The following ARHGAP23 variants were observed in gnomAD, a reference collection of about 807,000 sequenced individuals.
ARHGAP23 encodes the protein rho GTPase-activating protein 23.
In ARHGAP23, 34 loss-of-function variants were observed where a neutral mutation model predicts 136.3. The observed-to-expected ratio is 0.25, with a 90% CI of 0.19 to 0.33. The LOEUF (loss-of-function observed/expected upper bound fraction) is 0.33. Ranked by LOEUF, ARHGAP23 falls within the 10% of genes least tolerant of loss-of-function variation. The pLI is 1.00. For synonymous variants in ARHGAP23, 832 were observed against 920.5 expected, an observed-to-expected ratio of 0.90 and a Z score of 1.74; for missense variants, 1,808 against 2,139.0, an observed-to-expected ratio of 0.85 and a Z score of 3.05.
intron 3 of ARHGAP23, among the ~76,000 whole-genome samples, chr17:38,461,219 G>C (rs2039453332): frequency 6.6e-6 from 1 of 152,234 alleles, no homozygotes; most frequent in African/African-American, 2.4e-5. Context: ...GGGCGCAGAT[G>C]GGTGTCTGCC....
chr17:38,459,378 CACAT>C (rs2144613648), intron 2 of ARHGAP23, among the ~76,000 whole-genome samples: 1 of 152,348 alleles, frequency 6.6e-6, no homozygotes, highest in Non-Finnish European at 1.5e-5. Context: ...GTGCAGCTCT[CACAT>C]GCATGCCGGA....
In ARHGAP23 at chr17:38,477,673, C is replaced by T. The variant is rs754194197; in HGVS notation, c.2213C>T (p.Pro738Leu). Residue 738 changes from proline (P) to leucine (L), a missense_variant, in exon 12 of 24, where the codon CCG becomes CTG. Physicochemically the swap from Pro to Leu is moderately conservative, Grantham distance 98. Around this residue, in one of 7 missense-constraint regions of ARHGAP23, gnomAD observed 139 missense variants for 264.3 expected, o/e 0.53. Coordinates refer to ENST00000622683, the MANE Select transcript of ARHGAP23 (RefSeq NM_001199417.2). The surrounding 1 kb of genome is among the most constrained non-coding windows in gnomAD (Gnocchi z 6.6). ...AGCAAGGAGCGGCGGGAGCCCGGGC[C>T]GGCGGCGGCGGGGGCTGCGGCGGCC... ...SLSKERREPG[P>L]AAAGAAAAGA... The T allele has an allele frequency of 3.0e-5, 39 of 1,295,330 alleles. 2 individuals are homozygous for T. The South Asian group carries it at 3.3e-4, about 11-fold the overall frequency. The allele number at this position is 1,295,330 out of a possible 1,614,324, so 80.2% of individuals were successfully genotyped here.
At chr17:38,482,427 C>G (rs2040066234) in intron 15 of ARHGAP23, 96 bp from the exon 16 acceptor site, 32 of 1,221,166 alleles carry the variant, frequency 2.6e-5, no homozygotes, top group Non-Finnish European at 3.4e-5. Flanking sequence ...CCCAAGGGTT[C>G]CTGGCAGCAG....
At chr17:38,449,417 C>G (rs9303308) in intron 1 of ARHGAP23, among the ~76,000 whole-genome samples, 110,778 of 152,166 alleles carry the variant, frequency 0.73, 40,890 homozygotes, top group African/African-American at 0.84. Context: ...GAGGGCGCTG[C>G]GGAGACACAG....
At chr17:38,437,208 A>ATT (rs11384705) in intron 1 of ARHGAP23, among the ~76,000 whole-genome samples, 8,028 of 144,192 alleles carry the variant, frequency 0.056, 645 homozygotes, top group African/African-American at 0.17. Flanking sequence ...TGACGCCAGG[A>ATT]TTTTTTTTTT....
intron 1 of ARHGAP23, among the ~76,000 whole-genome samples, chr17:38,420,252 GC>G (rs1415852777): frequency 2.4e-4 from 36 of 152,226 alleles, no homozygotes; most frequent in Admixed American, 2.1e-3. Context: ...AGAGAAGCCA[GC>G]AGCCTGATGG....
At chr17:38,438,006 A>G (rs151325110) in intron 1 of ARHGAP23, among the ~76,000 whole-genome samples, 1 of 151,200 alleles carries the variant, frequency 6.6e-6, no homozygotes, top group East Asian at 1.9e-4. Context: ...CTGTGGGGAG[A>G]TGAGGCTTGC....
At chr17:38,438,191 T>G (rs763926027) in intron 1 of ARHGAP23, among the ~76,000 whole-genome samples, 3 of 151,630 alleles carry the variant, frequency 2.0e-5, no homozygotes, top group Non-Finnish European at 2.9e-5. Flanking sequence ...CGTGGTGGCA[T>G]GCGCCTTTAG....
chr17:38,470,532 A>G lies in ARHGAP23; in HGVS notation c.1974+628A>G, dbSNP rs542254344. Among the ~76,000 whole-genome samples, 4 of 152,314 alleles carry G rather than the reference A, an allele frequency of 2.6e-5. No individual in the cohort carries two copies. In the South Asian group the frequency reaches 8.3e-4, roughly 32 times the overall value. ...GGGGAGGCAGGATCAGGCCTGTGAT[A>G]GCCCTGGCTGTTTGTTTGTTTTGAG... On this transcript the variant is annotated intron_variant, in intron 10 of 23. Coordinates refer to ENST00000622683, the MANE Select transcript of ARHGAP23 (RefSeq NM_001199417.2).
intron 7 of ARHGAP23, among the ~76,000 whole-genome samples, chr17:38,468,329 A>G (rs1045770658): frequency 6.6e-5 from 10 of 152,154 alleles, no homozygotes; most frequent in Non-Finnish European, 1.0e-4. Flanking sequence ...TGGCTGGGTG[A>G]TGCCCAGGTT....
intron 1 of ARHGAP23, among the ~76,000 whole-genome samples, chr17:38,436,974 C>T (rs1245762703): frequency 6.6e-6 from 1 of 152,180 alleles, no homozygotes; most frequent in Non-Finnish European, 1.5e-5. Flanking sequence ...TCATCTGTTT[C>T]CAAATCTATC....
At chr17:38,493,185 CTCTT>C (rs1413045959) in intron 20 of ARHGAP23, among the ~76,000 whole-genome samples, 1 of 147,456 alleles carries the variant, frequency 6.8e-6, no homozygotes, top group Non-Finnish European at 1.5e-5. Context: ...TTCTCTCTCT[CTCTT>C]TTCGCTTTTT....
At chr17:38,473,649 C>A (rs56013503) in intron 11 of ARHGAP23, among the ~76,000 whole-genome samples, 53,953 of 147,048 alleles carry the variant, frequency 0.37, 10,332 homozygotes, top group Admixed American at 0.54. Context: ...TCATGGTTCC[C>A]AGTGCACAGA....
At chr17:38,485,746 C>A (rs559504625) in intron 16 of ARHGAP23, among the ~76,000 whole-genome samples, 2 of 152,196 alleles carry the variant, frequency 1.3e-5, no homozygotes, top group Admixed American at 6.5e-5. Context: ...GTCACGGATG[C>A]TTAAACTGTG....
In ARHGAP23 at chr17:38,471,947, A is replaced by G. The variant is rs564943580; in HGVS notation, c.2059A>G (p.Ser687Gly). 7.7e-6 allele frequency: 12 copies of G among 1,549,760 alleles called. No homozygotes were observed. The South Asian group carries it at 1.4e-4, about 18-fold the overall frequency. The change falls in exon 11 of 24, where the codon AGC (serine) becomes GGC (glycine). Residue 687 changes from serine to glycine, a missense_variant. Around this residue, in one of 7 missense-constraint regions of ARHGAP23, gnomAD observed 139 missense variants for 264.3 expected, o/e 0.53. Coordinates refer to ENST00000622683, the MANE Select transcript of ARHGAP23 (RefSeq NM_001199417.2). ...STSDLSDATF[S>G]DIRREGWLYY... ...CTCTGACCTCTCAGATGCGACCTTC[A>G]GCGATATCAGGAGAGAAGGCTGGTT...
chr17:38,472,795 A>G (rs1014494060), intron 11 of ARHGAP23, among the ~76,000 whole-genome samples: 6 of 152,196 alleles, frequency 3.9e-5, no homozygotes, highest in Non-Finnish European at 7.3e-5. Context: ...TCACCTGGCC[A>G]TGACTCAGTG....
At chr17:38,435,064 A>G (rs909675041) in intron 1 of ARHGAP23, among the ~76,000 whole-genome samples, 1 of 152,214 alleles carries the variant, frequency 6.6e-6, no homozygotes, top group Non-Finnish European at 1.5e-5. Context: ...AGCTGGAGGA[A>G]TATCAGAGGC....
At chr17:38,459,029 T>C (rs915467833) in intron 2 of ARHGAP23, among the ~76,000 whole-genome samples, 1 of 152,102 alleles carries the variant, frequency 6.6e-6, no homozygotes, top group African/African-American at 2.4e-5. Context: ...GAAGCAGAAG[T>C]GTGGGAAGAA....
At chr17:38,456,687 T>C (rs886099809) in intron 1 of ARHGAP23, among the ~76,000 whole-genome samples, 2 of 152,222 alleles carry the variant, frequency 1.3e-5, no homozygotes, top group African/African-American at 2.4e-5. Context: ...CTTCCCCAGT[T>C]GGGCTCCGTG....
Sources: allele counts gnomAD v4.1 joint callset (sites outside exome capture counted in the v4.1 genomes callset), GRCh38; gene constraint gnomAD v4.1.1; regional missense constraint gnomAD v4.1.1; non-coding constraint Gnocchi (gnomAD v3.1); transcripts MANE v1.5; gene names NCBI Gene and HGNC (gene_info 2026-07-23, HGNC 2026-07-21).